CEP290: variants seen among roughly 807,000 people sequenced by gnomAD.
CEP290 encodes the protein centrosomal protein 290.
CEP290 carries 317 observed loss-of-function variants against 344.9 expected under a neutral mutation model. The ratio of observed to expected loss-of-function variants is 0.92; its 90% CI spans 0.84 to 1.01. CEP290 has a LOEUF of 1.01. CEP290 is among the 50% of genes least tolerant of loss of function. The pLI is 0.00. For missense variants in CEP290, 2,754 were observed against 2,761.4 expected (o/e 1.00, Z 0.06); for synonymous variants, 932 against 895.8 (o/e 1.04, Z -0.72).
At chr12:88,091,981 C>T (rs1282550875) in intron 29 of CEP290, among the ~76,000 whole-genome samples, 3 of 152,038 alleles carry the variant, frequency 2.0e-5, no homozygotes, top group South Asian at 2.1e-4. Context: ...GGCGCGATCT[C>T]GGCTCACTGC....
chr12:88,102,603 A>C (rs2037974796), intron 26 of CEP290, among the ~76,000 whole-genome samples: 1 of 151,864 alleles, frequency 6.6e-6, no homozygotes. Flanking sequence ...CTAGATAATC[A>C]TTCAGAAGTC....
At chr12:88,114,246 A>G (rs1416899520) in intron 20 of CEP290, among the ~76,000 whole-genome samples, 174 bp downstream of exon 20, 2 of 152,142 alleles carry the variant, frequency 1.3e-5, no homozygotes, top group Non-Finnish European at 2.9e-5. Flanking sequence ...CAATTATCCA[A>G]TTGGTAGAAG....
rs1190923253 is a variant in CEP290 at position 88,114,475 on chromosome 12, T to A, written c.1997A>T (p.Asp666Val). 3 of 1,548,092 alleles carry A rather than the reference T, an allele frequency of 1.9e-6. No homozygotes were observed. Among genetic ancestry groups the A allele is most frequent in the Middle Eastern group, 1.7e-4 (1 of 5,982 alleles). The change falls in exon 20 of 54, where the codon GAT becomes GTT. Residue 666 changes from aspartate to valine, a missense_variant. Transcript: ENST00000552810. ...TAGAGATGTTTCTCCTCCTTTAACA[T>A]CAGGATCTTTCTGCATTTCCTTAAT... ...QAIKEMQKDP[D>V]VKGGETSLII... is the part of the protein sequence containing the mutation.
rs773678171 is a variant in CEP290, at chr12:88,118,672, T to C, written c.1594A>G (p.Arg532Gly). The C allele has an allele frequency of 3.1e-6, 5 of 1,613,610 alleles. No individual in the cohort carries two copies. The South Asian group carries it at 5.5e-5, about 18-fold the overall frequency. ...NSKHLKQQQY[R>G]AENQILLKEI... ...TTCAAAAGAATCTGGTTTTCAGCTCTGTACTGCTGCTGTTTTAAGTGTTTG... is the reference window on the plus strand; with the variant it reads ...TTCAAAAGAATCTGGTTTTCAGCTCCGTACTGCTGCTGTTTTAAGTGTTTG... Residue 532 changes from arginine to glycine, a missense_variant, in exon 16 of 54, where the codon AGA becomes GGA. Coordinates refer to ENST00000552810, the MANE Select transcript of CEP290 (RefSeq NM_025114.4).
intron 46 of CEP290, among the ~76,000 whole-genome samples, chr12:88,061,777 C>CT (rs869262265): frequency 1.9e-3 from 280 of 144,056 alleles, no homozygotes; most frequent in Admixed American, 3.3e-3. Context: ...AATATTTTTC[C>CT]TTTTTTTTTT....
chr12:88,139,618 C>T, intron 3 of CEP290, 54 bp from the exon 4 acceptor site: 1 of 1,289,610 alleles, frequency 7.8e-7, no homozygotes, highest in South Asian at 2.3e-5. Flanking sequence ...AATGTAAGCA[C>T]TGAAAATAAA....
intron 43 of CEP290, 89 bp from the exon 44 acceptor site, chr12:88,068,734 G>A: frequency 7.5e-7 from 1 of 1,330,808 alleles, no homozygotes; most frequent in South Asian, 1.5e-5. Flanking sequence ...AAAAAGAAAA[G>A]TTCAGTGTGT....
At chr12:88,050,459 ACT>A (rs1371875859) in intron 52 of CEP290, 26 bp from the exon 53 acceptor site, 10 of 1,194,362 alleles carry the variant, frequency 8.4e-6, no homozygotes, top group African/African-American at 4.6e-5. Flanking sequence ...TACAAATTAG[ACT>A]CAGCTTTTTC....
rs2137539514 is a variant in CEP290, at chr12:88,102,846, G to A, written c.2983C>T (p.His995Tyr). ...MLVQRTSNLE[H>Y]LECENISLKE... is the part of the protein sequence containing the mutation. ...GAATCACACAAACTTACCTCCAGGT[G>A]TTCCAAGTTACTTGTTCTTTGAACA... is the stretch of plus-strand genomic sequence containing the variant. Residue 995 changes from histidine to tyrosine, a missense_variant, in exon 26 of 54, where the codon CAC becomes TAC. Transcript: ENST00000552810. 9 of 1,609,214 alleles carry A rather than the reference G, an allele frequency of 5.6e-6. No individual in the cohort carries two copies. The highest frequency in any genetic ancestry group is 7.6e-6 in the Non-Finnish European group (9 of 1,177,898).
chr12:88,109,325 T>C (rs752092064), intron 22 of CEP290, 144 bp from the exon 23 acceptor site: 2 of 469,678 alleles, frequency 4.3e-6, no homozygotes, highest in Non-Finnish European at 7.5e-6. Context: ...CATTTTTCCA[T>C]GATATTTTGA....
At chr12:88,140,140 CTT>C (rs959953734) in intron 3 of CEP290, among the ~76,000 whole-genome samples, 10 of 152,098 alleles carry the variant, frequency 6.6e-5, no homozygotes, top group African/African-American at 2.4e-4. Context: ...GTCCTCAAGT[CTT>C]ATATCCAGTA....
chr12:88,116,258 T>G (rs1362777415), intron 18 of CEP290, among the ~76,000 whole-genome samples: 1 of 152,196 alleles, frequency 6.6e-6, no homozygotes, highest in Non-Finnish European at 1.5e-5. Context: ...TGACTAACGA[T>G]TCTAGATTTC....
intron 5 of CEP290, 137 bp from the exon 6 acceptor site, chr12:88,136,923 T>A: frequency 1.2e-6 from 1 of 831,876 alleles, no homozygotes; most frequent in Non-Finnish European, 1.9e-6. Flanking sequence ...CATATTAGCT[T>A]AAGAACTTTT....
Position 88,111,297 on chromosome 12 carries a change from C to T in CEP290, c.2272G>A (p.Val758Ile). The change falls in exon 22 of 54, where the codon GTT becomes ATT. Residue 758 changes from valine (V) to isoleucine (I), a missense_variant. Val to Ile is a conservative substitution (Grantham distance 29). Transcript: ENST00000552810. ...SLLRQSEGSN[V>I]VFKGIDLPDG... ...GGTAAGTCAATTCCTTTAAAAACAA[C>T]ATTTGATCCTTCTGATTGTCGTAAA... The T allele has an allele frequency of 6.4e-7, 1 of 1,561,332 alleles. No individual in the cohort carries two copies. Among genetic ancestry groups the T allele is most frequent in the Non-Finnish European group, 8.7e-7 (1 of 1,152,726 alleles).
intron 44 of CEP290, among the ~76,000 whole-genome samples, chr12:88,066,104 C>T (rs1355263729): frequency 6.6e-6 from 1 of 152,094 alleles, no homozygotes. Flanking sequence ...TTTCTCTTAA[C>T]ATAGATATTT....
At chr12:88,062,644 C>T (rs757080660) in intron 46 of CEP290, 48 bp downstream of exon 46, 1 of 1,246,252 alleles carries the variant, frequency 8.0e-7, no homozygotes, top group East Asian at 2.4e-5. Context: ...TCATTTCTGG[C>T]TTATCACTGC....
At chr12:88,133,410 A>G (rs970319534) in intron 6 of CEP290, among the ~76,000 whole-genome samples, 5 of 152,100 alleles carry the variant, frequency 3.3e-5, no homozygotes, top group African/African-American at 1.2e-4. Context: ...TGATGGCTGC[A>G]TAGTATTCTA....
At chr12:88,124,606 GAAGA>G (rs1018742482) in intron 13 of CEP290, among the ~76,000 whole-genome samples, 2 of 127,852 alleles carry the variant, frequency 1.6e-5, no homozygotes, top group African/African-American at 2.5e-5. Context: ...ATGACATGAA[GAAGA>G]AATAGTGATT....
chr12:88,127,820 T>G (rs2039824989), intron 11 of CEP290, among the ~76,000 whole-genome samples: 1 of 152,058 alleles, frequency 6.6e-6, no homozygotes, highest in South Asian at 2.1e-4. Flanking sequence ...TTCATAAACT[T>G]CACAAATTAT....
Sources: allele counts gnomAD v4.1 joint callset (sites outside exome capture counted in the v4.1 genomes callset), GRCh38; gene constraint gnomAD v4.1.1; transcripts MANE v1.5; gene names NCBI Gene and HGNC (gene_info 2026-07-23, HGNC 2026-07-21).